Variants in SGCD observed in about 807,000 individuals in gnomAD.
The protein encoded by SGCD is sarcoglycan delta.
In SGCD, 18 loss-of-function variants were observed where a neutral mutation model predicts 36.6. That is an observed-to-expected ratio of 0.49 (90% CI 0.34 to 0.73). The LOEUF (loss-of-function observed/expected upper bound fraction) is 0.73, where lower values mean the gene tolerates loss of function less well. Among genes scored for constraint, SGCD ranks in the 30% least tolerant of loss-of-function variants. The pLI, the probability that SGCD is intolerant of heterozygous loss-of-function variation, is 0.01. For synonymous variants in SGCD, 133 were observed against 130.6 expected, an observed-to-expected ratio of 1.02 and a Z score of -0.12; for missense variants, 387 against 346.7, an observed-to-expected ratio of 1.12 and a Z score of -0.92.
At chr5:156,609,612 T>G (rs1761675621) in intron 6 of SGCD, among the ~76,000 whole-genome samples, 1 of 152,242 alleles carries the variant, frequency 6.6e-6, no homozygotes, top group Non-Finnish European at 1.5e-5. Context: ...ATTGGGGAAG[T>G]TCTCCTGGAT....
intron 1 of SGCD, among the ~76,000 whole-genome samples, chr5:156,068,610 T>G (rs1760418673): frequency 6.6e-6 from 1 of 151,874 alleles, no homozygotes; most frequent in South Asian, 2.1e-4. Flanking sequence ...TATAGCAGCA[T>G]GATTTATAGT....
At chr5:156,740,966 C>A (rs1581509437) in intron 7 of SGCD, among the ~76,000 whole-genome samples, 1 of 152,176 alleles carries the variant, frequency 6.6e-6, no homozygotes, top group Non-Finnish European at 1.5e-5. Flanking sequence ...TCATAACTTT[C>A]TCTGATTATT....
chr5:156,481,625 A>G (rs1755434086), intron 3 of SGCD, among the ~76,000 whole-genome samples: 1 of 152,152 alleles, frequency 6.6e-6, no homozygotes, highest in Non-Finnish European at 1.5e-5. Context: ...ATCTGCATCT[A>G]TCAGAAGAGG....
At chr5:156,697,750 CGG>C (rs1754376026) in intron 7 of SGCD, among the ~76,000 whole-genome samples, 1 of 149,048 alleles carries the variant, frequency 6.7e-6, no homozygotes, top group Non-Finnish European at 1.5e-5. Context: ...GATGGACGGA[CGG>C]ATGGATGGAT....
intron 1 of SGCD, among the ~76,000 whole-genome samples, chr5:156,113,718 G>A (rs184593084): frequency 4.3e-4 from 65 of 152,266 alleles, no homozygotes; most frequent in African/African-American, 1.4e-3. Flanking sequence ...ATGGATGTTT[G>A]CAGCAGCCTT....
upstream of SGCD, among the ~76,000 whole-genome samples, chr5:156,323,478 T>C (rs948854519): frequency 1.3e-5 from 2 of 152,184 alleles, no homozygotes; most frequent in African/African-American, 4.8e-5. Context: ...AGTTTTCAAG[T>C]AAGTCAAAAG....
intron 1 of SGCD, among the ~76,000 whole-genome samples, chr5:155,917,338 A>G (rs947997368): frequency 1.3e-5 from 2 of 152,194 alleles, no homozygotes; most frequent in Non-Finnish European, 2.9e-5. Flanking sequence ...TGAAGGTTGT[A>G]TATTCTGACC....
At chr5:156,543,294 C>T (rs1758426671) in intron 4 of SGCD, among the ~76,000 whole-genome samples, 1 of 152,172 alleles carries the variant, frequency 6.6e-6, no homozygotes. Flanking sequence ...ATATGCCTCC[C>T]TCATTTATAA....
intron 7 of SGCD, among the ~76,000 whole-genome samples, chr5:156,648,576 G>A (rs1250026536): frequency 1.3e-5 from 2 of 152,090 alleles, no homozygotes; most frequent in Non-Finnish European, 2.9e-5. Context: ...GAAATAAATT[G>A]GGCCAAAGGA....
intron 3 of SGCD, among the ~76,000 whole-genome samples, chr5:156,401,707 A>C (rs537234929): frequency 6.6e-6 from 1 of 152,212 alleles, no homozygotes; most frequent in Non-Finnish European, 1.5e-5. Flanking sequence ...TAGCCCCTAC[A>C]GTCTAGTGAA....
intron 4 of SGCD, among the ~76,000 whole-genome samples, chr5:156,511,745 G>T (rs137933343): frequency 1.3e-5 from 2 of 152,300 alleles, no homozygotes; most frequent in East Asian, 3.9e-4. Context: ...TGGAAGAGCA[G>T]CAGATTGTCT....
At chr5:155,875,528 T>C (rs1409653008) in intron 1 of SGCD, among the ~76,000 whole-genome samples, 1 of 152,256 alleles carries the variant, frequency 6.6e-6, no homozygotes, top group East Asian at 1.9e-4. Context: ...TAAGGACTCA[T>C]GTAAAACTTG....
chr5:156,597,630 G>A (rs879557341), intron 6 of SGCD, among the ~76,000 whole-genome samples: 3 of 152,278 alleles, frequency 2.0e-5, no homozygotes, highest in Admixed American at 6.5e-5. Flanking sequence ...AAACCATGTC[G>A]GTGAGGATTT....
chr5:155,975,468 T>C (rs1411724948), intron 1 of SGCD, among the ~76,000 whole-genome samples: 1 of 151,982 alleles, frequency 6.6e-6, no homozygotes, highest in African/African-American at 2.4e-5. Flanking sequence ...AGTGCTGAGG[T>C]GGAGAAACTC....
At chr5:155,772,472 G>T in the SGCD span, among the ~76,000 whole-genome samples, 1 of 152,122 alleles carries the variant, frequency 6.6e-6, no homozygotes, top group Non-Finnish European at 1.5e-5. Flanking sequence ...CACTTCATCA[G>T]GCAGAGACAG....
At chr5:156,696,831 T>C (rs1187893170) in intron 7 of SGCD, among the ~76,000 whole-genome samples, 1 of 152,026 alleles carries the variant, frequency 6.6e-6, no homozygotes, top group African/African-American at 2.4e-5. Flanking sequence ...TTCAAAAGCA[T>C]ATTTTAGAGT....
intron 3 of SGCD, among the ~76,000 whole-genome samples, chr5:156,424,633 G>A (rs1231031116): frequency 6.6e-6 from 1 of 152,004 alleles, no homozygotes; most frequent in Non-Finnish European, 1.5e-5. Context: ...TTATTTGCTA[G>A]GTAGTATGCT....
intron 6 of SGCD, among the ~76,000 whole-genome samples, chr5:156,595,512 T>A (rs1760891242): frequency 6.6e-6 from 1 of 152,222 alleles, no homozygotes; most frequent in African/African-American, 2.4e-5. Flanking sequence ...GTTTCCTGGA[T>A]TCTTTTAAAG....
chr5:156,302,844 C>CT (rs770125348), intron 3 of SGCD, among the ~76,000 whole-genome samples: 8 of 152,158 alleles, frequency 5.3e-5, no homozygotes, highest in Non-Finnish European at 1.5e-5. Flanking sequence ...TCATGATGAG[C>CT]TTCCTGGAGC....
Sources: allele counts gnomAD v4.1 joint callset (sites outside exome capture counted in the v4.1 genomes callset), GRCh38; gene constraint gnomAD v4.1.1; transcripts MANE v1.5; gene names NCBI Gene and HGNC (gene_info 2026-07-23, HGNC 2026-07-21).